Variants in SCFD2 observed in about 807,000 individuals in gnomAD.
SCFD2 encodes sec1 family domain containing 2, also known as sec1 family domain-containing protein 2.
Under a neutral mutation model 58.9 loss-of-function variants are expected in SCFD2, and 54 were observed. That is an observed-to-expected ratio of 0.92 (90% CI 0.74 to 1.15). SCFD2 has a LOEUF of 1.15. Ranked by LOEUF, SCFD2 falls within the 50% of genes most tolerant of loss-of-function variation. SCFD2 has a pLI of 0.00. For missense variants in SCFD2, 805 were observed against 836.6 expected, an observed-to-expected ratio of 0.96 and a Z score of 0.47; for synonymous variants, 321 against 335.9, an observed-to-expected ratio of 0.96 and a Z score of 0.49.
chr4:52,944,147 T>C (rs1470565956), intron 5 of SCFD2, among the ~76,000 whole-genome samples: 1 of 152,234 alleles, frequency 6.6e-6, no homozygotes, highest in Non-Finnish European at 1.5e-5. Flanking sequence ...TCTGGATTAA[T>C]ATAATTATAT....
At chr4:53,174,411 T>C (rs1275961076) in intron 4 of SCFD2, among the ~76,000 whole-genome samples, 4 of 152,086 alleles carry the variant, frequency 2.6e-5, no homozygotes, top group African/African-American at 4.8e-5. Context: ...GTAAAAAATA[T>C]ATATACATAC....
At chr4:53,219,453 T>C (rs1728979133) in intron 4 of SCFD2, among the ~76,000 whole-genome samples, 1 of 152,206 alleles carries the variant, frequency 6.6e-6, no homozygotes, top group African/African-American at 2.4e-5. Context: ...GGATATAATT[T>C]CCTGGTGTGC....
At chr4:52,984,361 A>C (rs1236488631) in intron 5 of SCFD2, among the ~76,000 whole-genome samples, 1 of 152,228 alleles carries the variant, frequency 6.6e-6, no homozygotes, top group Non-Finnish European at 1.5e-5. Context: ...TATAAAATAA[A>C]GACCTCAACA....
intron 5 of SCFD2, among the ~76,000 whole-genome samples, chr4:53,012,269 A>G (rs1264297219): frequency 6.6e-6 from 1 of 152,104 alleles, no homozygotes; most frequent in Non-Finnish European, 1.5e-5. Flanking sequence ...AGCCCTACGA[A>G]TTGCATGGCT....
At chr4:53,016,495 T>C (rs1232007909) in intron 5 of SCFD2, among the ~76,000 whole-genome samples, 1 of 152,332 alleles carries the variant, frequency 6.6e-6, no homozygotes, top group Admixed American at 6.5e-5. Context: ...TGTTATAATA[T>C]GAATCTTTAA....
chr4:52,946,460 A>T (rs301102), intron 5 of SCFD2, among the ~76,000 whole-genome samples: 6,906 of 152,232 alleles, frequency 0.045, 528 homozygotes, highest in African/African-American at 0.16. Context: ...TCTAAAAAAA[A>T]AATTTGATGA....
intron 5 of SCFD2, among the ~76,000 whole-genome samples, chr4:52,936,008 T>A (rs1023828549): frequency 6.6e-6 from 1 of 152,100 alleles, no homozygotes; most frequent in Non-Finnish European, 1.5e-5. Flanking sequence ...CAGCTAATTT[T>A]GTATTTTTAG....
chr4:52,949,247 C>T (rs1192763164), intron 5 of SCFD2: 44 of 148,200 alleles, frequency 3.0e-4, no homozygotes, highest in Admixed American at 2.9e-3. Context: ...CATGTCTGAG[C>T]ATTTTTTACA....
intron 5 of SCFD2, among the ~76,000 whole-genome samples, chr4:53,142,869 G>T (rs116691720): frequency 6.6e-6 from 1 of 152,120 alleles, no homozygotes; most frequent in South Asian, 2.1e-4. Flanking sequence ...TGTTCCAGTG[G>T]TAAGTTTGAA....
At chr4:53,184,019 G>T (rs955926831) in intron 4 of SCFD2, among the ~76,000 whole-genome samples, 3 of 152,124 alleles carry the variant, frequency 2.0e-5, no homozygotes, top group Admixed American at 1.3e-4. Flanking sequence ...GCCTTTCAGA[G>T]ACTACAAAAT....
intron 3 of SCFD2, among the ~76,000 whole-genome samples, chr4:53,312,414 C>T (rs1046522467): frequency 9.2e-5 from 14 of 152,216 alleles, no homozygotes; most frequent in African/African-American, 3.4e-4. Context: ...GTTTCCCTAC[C>T]TGCAAAATGG....
intron 4 of SCFD2, among the ~76,000 whole-genome samples, chr4:53,265,212 C>A (rs1261723710): frequency 6.6e-6 from 1 of 152,058 alleles, no homozygotes; most frequent in African/African-American, 2.4e-5. Context: ...TGTTGGGCAG[C>A]GTTCAAGAAT....
At chr4:53,103,556 T>A (rs1429632594) in intron 5 of SCFD2, among the ~76,000 whole-genome samples, 1 of 147,726 alleles carries the variant, frequency 6.8e-6, no homozygotes, top group Non-Finnish European at 1.5e-5. Context: ...ATATTATATA[T>A]AAATATATAT....
intron 5 of SCFD2, among the ~76,000 whole-genome samples, chr4:53,043,946 T>C (rs1461024984): frequency 1.3e-5 from 2 of 152,180 alleles, no homozygotes; most frequent in Non-Finnish European, 2.9e-5. Context: ...ATGTCACAGT[T>C]AATGTTAGAC....
At chr4:53,211,566 G>C (rs574146208) in intron 4 of SCFD2, among the ~76,000 whole-genome samples, 1 of 152,076 alleles carries the variant, frequency 6.6e-6, no homozygotes, top group African/African-American at 2.4e-5. Flanking sequence ...TGGGATGGGG[G>C]TCAGTCTTGG....
intron 2 of SCFD2, among the ~76,000 whole-genome samples, chr4:53,335,388 G>A (rs1273181394): frequency 6.6e-6 from 1 of 152,086 alleles, no homozygotes; most frequent in African/African-American, 2.4e-5. Flanking sequence ...CAATGTTATG[G>A]GAAGACTGAA....
intron 5 of SCFD2, among the ~76,000 whole-genome samples, chr4:53,111,015 G>A (rs1725155079): frequency 6.6e-6 from 1 of 152,146 alleles, no homozygotes; most frequent in African/African-American, 2.4e-5. Context: ...CCATAAAAAG[G>A]ATGAGTTCAT....
At chr4:53,223,570 T>C (rs1404631152) in intron 4 of SCFD2, among the ~76,000 whole-genome samples, 1 of 152,246 alleles carries the variant, frequency 6.6e-6, no homozygotes, top group Non-Finnish European at 1.5e-5. Context: ...TTGCATGTCT[T>C]TCCCGTCCTT....
intron 5 of SCFD2, among the ~76,000 whole-genome samples, chr4:53,084,266 G>T (rs1176308837): frequency 3.9e-5 from 6 of 152,056 alleles, no homozygotes. Flanking sequence ...TTCCTTGCTA[G>T]GAAAAGAATT....
Sources: gnomAD v4.1 joint callset for allele counts (sites outside exome capture counted in the v4.1 genomes callset) on GRCh38, gnomAD v4.1.1 for gene constraint, MANE v1.5 for transcripts, NCBI Gene and HGNC (gene_info 2026-07-23, HGNC 2026-07-21) for gene names.